The following TBP variants were observed in gnomAD, a reference collection of about 807,000 sequenced individuals.
The protein encoded by TBP is TATA-box binding protein.
A neutral mutation model predicts 46.2 loss-of-function variants in TBP; 12 were observed. The observed-to-expected ratio is 0.26, with a 90% CI of 0.17 to 0.42. TBP has a LOEUF of 0.42. TBP is among the 10% of genes least tolerant of loss of function. The pLI, the probability that TBP is intolerant of heterozygous loss-of-function variation, is 1.00. For missense variants in TBP, 229 were observed against 403.1 expected, an observed-to-expected ratio of 0.57 and a Z score of 3.70; for synonymous variants, 157 against 148.3, an observed-to-expected ratio of 1.06 and a Z score of -0.42.
In TBP at chr6:170,561,863, A is replaced by G. The variant is rs1779143555; in HGVS notation, c.127A>G (p.Ile43Val). 1.2e-6 allele frequency: 2 copies of G among 1,614,042 alleles called. No homozygotes were observed. The highest frequency in any genetic ancestry group is 8.5e-7 in the Non-Finnish European group (1 of 1,180,020). ...TGGCACTGGACTGACCCCACAGCCT[A>G]TTCAGAACACCAATAGTCTGTCTAT... ...PYGTGLTPQP[I>V]QNTNSLSILE... Residue 43 changes from isoleucine (I) to valine (V), a missense_variant, in exon 3 of 8, where the codon ATT becomes GTT. By Grantham distance (29) the Ile-to-Val change is conservative. Around this residue, in one of 4 missense-constraint regions of TBP, gnomAD observed 49 missense variants for 94.7 expected, o/e 0.52. Coordinates refer to ENST00000392092, the MANE Select transcript of TBP (RefSeq NM_003194.5).
chr6:170,556,443 T>A (rs1306004567), intron 1 of TBP, among the ~76,000 whole-genome samples: 1 of 152,142 alleles, frequency 6.6e-6, no homozygotes, highest in African/African-American at 2.4e-5. Context: ...GAATTTGATA[T>A]TTACTTAATT....
chr6:170,555,452 T>TGG (rs1339297933), intron 1 of TBP, among the ~76,000 whole-genome samples: 1 of 152,222 alleles, frequency 6.6e-6, no homozygotes, highest in Admixed American at 6.5e-5. Flanking sequence ...CACCAATATG[T>TGG]GCTGTCTCAT....
At position 170,557,042 on chromosome 6, in the gene TBP, A is replaced by G. The variant is rs757450205; in HGVS notation, c.13A>G (p.Asn5Asp). ...GAAAGTGAACATCATGGATCAGAACAACAGCCTGCCACCTTACGCTCAGGG... is the reference window on the plus strand; with the variant it reads ...GAAAGTGAACATCATGGATCAGAACGACAGCCTGCCACCTTACGCTCAGGG... MDQN[N>D]SLPPYAQGLA... is the part of the protein sequence containing the mutation. The change falls in exon 2 of 8, where the codon AAC becomes GAC. Residue 5 changes from asparagine to aspartate, a missense_variant. Coordinates refer to ENST00000392092, the MANE Select transcript of TBP (RefSeq NM_003194.5). 3.1e-6 allele frequency: 5 copies of G among 1,614,142 alleles called. No individual in the cohort carries two copies. Among genetic ancestry groups the G allele is most frequent in the Non-Finnish European group, 4.2e-6 (5 of 1,180,008 alleles).
chr6:170,566,007 G>A (rs1779239300), intron 4 of TBP, among the ~76,000 whole-genome samples: 3 of 151,958 alleles, frequency 2.0e-5, no homozygotes, highest in African/African-American at 7.3e-5. Flanking sequence ...TCAGGAATTC[G>A]AGGCTGCAGT....
At chr6:170,559,829 G>A (rs1779108723) in intron 2 of TBP, among the ~76,000 whole-genome samples, 1 of 152,212 alleles carries the variant, frequency 6.6e-6, no homozygotes, top group Admixed American at 6.5e-5. Context: ...AAGCTTCAGA[G>A]GACTGGCTGA....
In TBP at chr6:170,569,914, A is replaced by T. The variant is rs73258619; in HGVS notation, c.845+135A>T. 2,842 of 828,686 alleles carry T rather than the reference A, an allele frequency of 3.4e-3. 65 individuals are homozygous for T. The African/African-American group carries it at 0.044, about 13-fold the overall frequency. 51.3% of individuals were successfully genotyped at this position (828,686 alleles called of 1,614,324 possible). On this transcript the variant is annotated intron_variant, in intron 6 of 7. Transcript: ENST00000392092. ...TGGTTATAGTTGTATGTATTCTTGC[A>T]TTGTCTTCCTGATGTTCTCAGTCAT...
At chr6:170,558,706 T>G (rs978762650) in intron 2 of TBP, among the ~76,000 whole-genome samples, 31 of 152,026 alleles carry the variant, frequency 2.0e-4, no homozygotes, top group African/African-American at 7.0e-4. Context: ...TATTTTTTTT[T>G]TAATTTTTTT....
chr6:170,568,374 A>G (rs537032010), intron 5 of TBP, among the ~76,000 whole-genome samples: 57 of 152,156 alleles, frequency 3.7e-4, no homozygotes, highest in Admixed American at 2.2e-3. Context: ...AGCGTAGCAT[A>G]TATATATATG....
At chr6:170,555,869 C>T (rs1342193886) in intron 1 of TBP, among the ~76,000 whole-genome samples, 1 of 152,126 alleles carries the variant, frequency 6.6e-6, no homozygotes, top group Non-Finnish European at 1.5e-5. Flanking sequence ...ACTTTGATGC[C>T]AAGGACTATA....
intron 2 of TBP, among the ~76,000 whole-genome samples, chr6:170,558,033 A>G (rs1280939663): frequency 6.6e-6 from 1 of 152,180 alleles, no homozygotes; most frequent in East Asian, 1.9e-4. Context: ...TACTGTTTGT[A>G]TATCAGTAGT....
chr6:170,571,583 T>G, intron 7 of TBP, 79 bp downstream of exon 7: 1 of 1,162,378 alleles, frequency 8.6e-7, no homozygotes, highest in Non-Finnish European at 1.3e-6. Flanking sequence ...GAAAAGAAAT[T>G]TCAGTGTTCG....
rs774834014 is a variant in TBP at position 170,566,891 on chromosome 6, A to T, written c.586-27A>T. On this transcript the variant is annotated intron_variant, in intron 4 of 7. Coordinates refer to ENST00000392092, the MANE Select transcript of TBP (RefSeq NM_003194.5). ...ACATTGAGCAGTTTGGCATGACCTC[A>T]CTAATGATTCTCTCTGACCATTGTA... 6 of 1,606,274 alleles carry T rather than the reference A, an allele frequency of 3.7e-6. No individual in the cohort carries two copies. The South Asian group carries it at 5.5e-5, about 15-fold the overall frequency.
chr6:170,556,131 C>T (rs540365310), intron 1 of TBP, among the ~76,000 whole-genome samples: 2 of 152,240 alleles, frequency 1.3e-5, no homozygotes, highest in African/African-American at 2.4e-5. Flanking sequence ...TGTTCTGTAC[C>T]AGCACATGCT....
At chr6:170,564,467 C>G in intron 3 of TBP, 78 bp from the exon 4 acceptor site, 3 of 970,288 alleles carry the variant, frequency 3.1e-6, no homozygotes, top group Non-Finnish European at 4.7e-6. Context: ...AATCAGATGT[C>G]TGCATAATTT....
At chr6:170,558,488 C>T (rs6456230) in intron 2 of TBP, among the ~76,000 whole-genome samples, 77,547 of 151,824 alleles carry the variant, frequency 0.51, 20,396 homozygotes, top group East Asian at 0.79. Flanking sequence ...ACAGGCCCAC[C>T]TCACTTTACT....
intron 2 of TBP, among the ~76,000 whole-genome samples, chr6:170,561,361 A>T (rs935482903): frequency 6.6e-6 from 1 of 152,122 alleles, no homozygotes; most frequent in Non-Finnish European, 1.5e-5. Flanking sequence ...CTGTATCTTC[A>T]TTTGTAATAT....
At chr6:170,557,233 G>A (rs940468062) in intron 2 of TBP, 150 bp downstream of exon 2, 5 of 704,728 alleles carry the variant, frequency 7.1e-6, no homozygotes, top group Non-Finnish European at 1.2e-5. Context: ...GTTCTATTAG[G>A]CTTTGAATAG....
At chr6:170,571,326 G>T (rs919776836) in intron 6 of TBP, 84 bp from the exon 7 acceptor site, 10 of 885,100 alleles carry the variant, frequency 1.1e-5, no homozygotes, top group Non-Finnish European at 1.6e-5. Context: ...TGTTTATTCA[G>T]TATTTTTCCT....
At chr6:170,557,473 G>A (rs779538520) in intron 2 of TBP, among the ~76,000 whole-genome samples, 7 of 152,010 alleles carry the variant, frequency 4.6e-5, no homozygotes, top group Non-Finnish European at 8.8e-5. Context: ...AGTGGCTCAC[G>A]CCTGTAATCC....
Sources: gnomAD v4.1 joint callset for allele counts (sites outside exome capture counted in the v4.1 genomes callset) on GRCh38, gnomAD v4.1.1 for gene constraint, gnomAD v4.1.1 regional missense constraint, MANE v1.5 for transcripts, NCBI Gene and HGNC (gene_info 2026-07-23, HGNC 2026-07-21) for gene names.